Variants in OTUD7A observed in about 807,000 individuals in gnomAD.
OTUD7A encodes OTU domain-containing protein 7A.
In OTUD7A, 12 loss-of-function variants were observed where a neutral mutation model predicts 65.7. That is an observed-to-expected ratio of 0.18 (90% CI 0.12 to 0.30). OTUD7A has a LOEUF of 0.30. OTUD7A is among the 10% of genes least tolerant of loss of function. OTUD7A has a pLI of 1.00. For missense variants in OTUD7A, 1,148 were observed against 1,304.8 expected, an observed-to-expected ratio of 0.88 and a Z score of 1.85; for synonymous variants, 641 against 586.3, an observed-to-expected ratio of 1.09 and a Z score of -1.35.
intron 1 of OTUD7A, among the ~76,000 whole-genome samples, chr15:31,857,533 G>A (rs1362291819): frequency 1.3e-5 from 2 of 152,134 alleles, no homozygotes; most frequent in African/African-American, 4.8e-5. Flanking sequence ...GCTGTCCTGG[G>A]AGAAGCCTGG....
intron 1 of OTUD7A, among the ~76,000 whole-genome samples, chr15:31,795,152 T>C (rs1287938417): frequency 6.6e-6 from 1 of 152,212 alleles, no homozygotes; most frequent in African/African-American, 2.4e-5. Flanking sequence ...AATCCTAGGA[T>C]AAAAGGTTAC....
chr15:31,831,424 C>A (rs936268024), intron 1 of OTUD7A, among the ~76,000 whole-genome samples: 1 of 98,790 alleles, frequency 1.0e-5, no homozygotes, highest in Non-Finnish European at 2.4e-5. Context: ...TGTGAATGAT[C>A]AATCAATGTC....
intron 1 of OTUD7A, among the ~76,000 whole-genome samples, chr15:31,733,688 A>G (rs1329659296): frequency 6.6e-6 from 1 of 152,212 alleles, no homozygotes; most frequent in Non-Finnish European, 1.5e-5. Context: ...TCTGCTGAAT[A>G]AATGAAGTCA....
At chr15:31,861,312 A>G (rs1897735490) in intron 1 of OTUD7A, among the ~76,000 whole-genome samples, 1 of 152,154 alleles carries the variant, frequency 6.6e-6, no homozygotes, top group Non-Finnish European at 1.5e-5. Flanking sequence ...TCTAGTCACT[A>G]GTCAACGGGC....
chr15:31,786,068 C>T (rs902080685), intron 1 of OTUD7A, among the ~76,000 whole-genome samples: 3 of 152,044 alleles, frequency 2.0e-5, no homozygotes, highest in African/African-American at 7.2e-5. Context: ...GGAAGAGAGA[C>T]CTGAGCCAGC....
intron 1 of OTUD7A, among the ~76,000 whole-genome samples, chr15:31,714,519 T>A (rs1893532542): frequency 6.6e-6 from 1 of 152,186 alleles, no homozygotes; most frequent in Non-Finnish European, 1.5e-5. Context: ...AAGGCATATT[T>A]ACATTTTTTT....
chr15:31,861,532 C>T (rs1239121223), intron 1 of OTUD7A, among the ~76,000 whole-genome samples: 2 of 152,162 alleles, frequency 1.3e-5, no homozygotes, highest in Non-Finnish European at 2.9e-5. Flanking sequence ...TCTTCCAGAA[C>T]AGGCAGAGGA....
rs914148067 is a variant in OTUD7A, at chr15:31,481,811, G to A, written c.*1483C>T. The A allele has an allele frequency of 1.3e-5, 2 of 152,242 alleles. No homozygotes were observed. Among genetic ancestry groups the A allele is most frequent in the Admixed American group, 6.6e-5 (1 of 15,266 alleles). The allele number at this position is 152,242 out of a possible 1,614,324, so 9.4% of individuals were successfully genotyped here. On this transcript the variant is annotated 3_prime_UTR_variant, in exon 13 of 13. Transcript: ENST00000307050. ...AAGCATCGTTTCTAGAGGAGAAGCT[G>A]GCTCCAGTGAAGAGATGGTCGACCT...
chr15:31,629,774 G>C, intron 3 of OTUD7A, among the ~76,000 whole-genome samples: 1 of 152,164 alleles, frequency 6.6e-6, no homozygotes, highest in East Asian at 1.9e-4. Context: ...TTCAGAGCTC[G>C]TTATTGGTCT....
chr15:31,528,835 C>T (rs62004099), intron 6 of OTUD7A, among the ~76,000 whole-genome samples: 1,651 of 152,370 alleles, frequency 0.011, 11 homozygotes, highest in Admixed American at 0.019. Flanking sequence ...CAGCTTTGGG[C>T]AGCCCCAGTC....
chr15:31,588,358 T>C (rs921841735), intron 3 of OTUD7A, among the ~76,000 whole-genome samples: 4 of 152,160 alleles, frequency 2.6e-5, no homozygotes, highest in Non-Finnish European at 5.9e-5. Context: ...CAGACATGCA[T>C]GGCAACACGC....
At chr15:31,661,996 C>T (rs1892178785) in intron 1 of OTUD7A, among the ~76,000 whole-genome samples, 1 of 152,174 alleles carries the variant, frequency 6.6e-6, no homozygotes. Flanking sequence ...ACATGCTCCT[C>T]TGTCCTCTCT....
chr15:31,852,681 G>A (rs906274171), intron 1 of OTUD7A, among the ~76,000 whole-genome samples: 3 of 152,288 alleles, frequency 2.0e-5, no homozygotes, highest in African/African-American at 7.2e-5. Flanking sequence ...TCCTCAATGG[G>A]CTCATCTGTG....
At chr15:31,693,266 T>A (rs1892999239) in intron 1 of OTUD7A, among the ~76,000 whole-genome samples, 1 of 152,254 alleles carries the variant, frequency 6.6e-6, no homozygotes, top group African/African-American at 2.4e-5. Flanking sequence ...TACTCTAAGA[T>A]ACTGTAAGTC....
intron 3 of OTUD7A, among the ~76,000 whole-genome samples, chr15:31,586,831 C>A (rs1889554855): frequency 6.6e-6 from 1 of 152,004 alleles, no homozygotes; most frequent in Admixed American, 6.6e-5. Flanking sequence ...TTGGCTTGCC[C>A]CCTCTCCACT....
intron 5 of OTUD7A, among the ~76,000 whole-genome samples, chr15:31,543,782 G>C (rs761114048): frequency 7.2e-5 from 11 of 151,812 alleles, no homozygotes. Flanking sequence ...AGGAGATATA[G>C]ACAAGTACTC....
intron 3 of OTUD7A, among the ~76,000 whole-genome samples, chr15:31,653,522 G>C (rs1328995336): frequency 1.4e-5 from 2 of 143,344 alleles, no homozygotes; most frequent in African/African-American, 2.5e-5. Flanking sequence ...ATTAGGCTCT[G>C]TAGGACATTT....
At position 31,816,546 on chromosome 15, in the gene OTUD7A, T is replaced by A. The variant is rs148573182; in HGVS notation, c.-100+53961A>T. Among the ~76,000 whole-genome samples, 180 of 64,640 alleles carry A rather than the reference T, an allele frequency of 2.8e-3. 1 individual carries two copies. Among genetic ancestry groups the A allele is most frequent in the East Asian group, 5.2e-3 (11 of 2,122 alleles). 42.4% of individuals were successfully genotyped at this position (64,640 alleles called of 152,430 possible). A position where few individuals can be genotyped will look rare whatever the true frequency, so the allele number is the denominator to read the frequency against. ...TCTACTAAAAATACAAAAAAAAAAA[T>A]AGCCTGGCACAGTGGCGGGCACCTG... On this transcript the variant is annotated intron_variant, in intron 1 of 12. Transcript: ENST00000307050.
intron 8 of OTUD7A, among the ~76,000 whole-genome samples, chr15:31,510,515 T>C (rs186457925): frequency 5.3e-4 from 76 of 144,374 alleles, no homozygotes; most frequent in African/African-American, 1.9e-3. Context: ...TACATATATA[T>C]GTATATCTAT....
Sources: allele counts gnomAD v4.1 joint callset (sites outside exome capture counted in the v4.1 genomes callset), GRCh38; gene constraint gnomAD v4.1.1; transcripts MANE v1.5; gene names NCBI Gene and HGNC (gene_info 2026-07-23, HGNC 2026-07-21).